Variants in RELN observed in about 807,000 individuals in gnomAD.
RELN encodes the protein reelin.
Under a neutral mutation model 427.6 loss-of-function variants are expected in RELN, and 108 were observed. The ratio of observed to expected loss-of-function variants is 0.25; its 90% CI spans 0.22 to 0.30. The LOEUF is 0.30. RELN is among the 10% of genes least tolerant of loss of function. RELN has a pLI of 1.00. For missense variants in RELN, 3,715 were observed against 4,302.8 expected (o/e 0.86, Z 3.82); for synonymous variants, 1,524 against 1,513.4 (o/e 1.01, Z -0.16).
At chr7:103,759,384 G>A (rs891173991) in intron 4 of RELN, among the ~76,000 whole-genome samples, 2 of 152,086 alleles carry the variant, frequency 1.3e-5, no homozygotes, top group African/African-American at 4.8e-5. Context: ...AGTAAATTCA[G>A]TATCAAAAGT....
At chr7:103,639,112 T>C (rs758287675) in intron 17 of RELN, among the ~76,000 whole-genome samples, 9 of 152,194 alleles carry the variant, frequency 5.9e-5, no homozygotes, top group Admixed American at 1.3e-4. Flanking sequence ...TGGATGCACA[T>C]AACAACTTGA....
intron 20 of RELN, 32 bp downstream of exon 20, chr7:103,629,908 A>G (rs1248574793): frequency 1.5e-6 from 2 of 1,311,782 alleles, no homozygotes; most frequent in Non-Finnish European, 2.2e-6. Context: ...TCCTAGTGCA[A>G]ATTGTAACAA....
intron 46 of RELN, among the ~76,000 whole-genome samples, chr7:103,527,972 G>A (rs1289012337): frequency 1.3e-5 from 2 of 152,154 alleles, no homozygotes; most frequent in Non-Finnish European, 2.9e-5. Context: ...CATTGCTGGT[G>A]GGAATGTAAA....
At chr7:103,531,988 C>G (rs753652993) in intron 46 of RELN, among the ~76,000 whole-genome samples, 1 of 152,076 alleles carries the variant, frequency 6.6e-6, no homozygotes, top group Non-Finnish European at 1.5e-5. Flanking sequence ...TATTGATACA[C>G]ACATATGTTC....
intron 2 of RELN, among the ~76,000 whole-genome samples, chr7:103,858,883 G>GAAC (rs911899286): frequency 2.6e-5 from 4 of 152,176 alleles, no homozygotes; most frequent in South Asian, 2.1e-4. Flanking sequence ...AGCCCTACAG[G>GAAC]AACAACAACA....
intron 28 of RELN, among the ~76,000 whole-genome samples, chr7:103,577,218 T>C (rs1437734509): frequency 6.6e-6 from 1 of 152,190 alleles, no homozygotes; most frequent in South Asian, 2.1e-4. Flanking sequence ...ATTGTGAGGA[T>C]AACATGGCAA....
In RELN at chr7:103,746,530, C is replaced by T. The variant is rs887800400; in HGVS notation, c.656+2896G>A. On this transcript the variant is annotated intron_variant, in intron 6 of 64. Transcript: ENST00000428762. The stretch of plus-strand genomic sequence containing the variant: ...TGCAACCTACTCATCTGACAAAGGG[C>T]TAATATCCAGAAGCTACAATGAACT... Among the ~76,000 whole-genome samples the T allele has an allele frequency of 3.3e-5, 5 of 151,882 alleles. No homozygotes were observed. In the East Asian group the frequency reaches 9.7e-4, roughly 29 times the overall value.
chr7:103,577,511 A>C (rs1191930184), intron 28 of RELN, among the ~76,000 whole-genome samples: 1 of 151,870 alleles, frequency 6.6e-6, no homozygotes, highest in Non-Finnish European at 1.5e-5. Context: ...ATTCTTTTTA[A>C]GGTAAAAAGA....
chr7:103,890,042 T>G (rs1794811180), intron 2 of RELN, among the ~76,000 whole-genome samples: 1 of 152,094 alleles, frequency 6.6e-6, no homozygotes, highest in African/African-American at 2.4e-5. Flanking sequence ...CTCTCTCACG[T>G]TTGACTTCAC....
chr7:103,842,997 C>T lies in RELN; in HGVS notation c.338-9325G>A, dbSNP rs138163858. 1.6e-3 allele frequency among the ~76,000 whole-genome samples: 244 copies of T among 152,224 alleles called. 1 individual carries two copies. The highest frequency in any genetic ancestry group is 5.7e-3 in the African/African-American group (237 of 41,536). ...TTGACAGCATAGAAACCCTGTCTGC[C>T]TATGTTTAGAACCTTGCTCACTGCC... On this transcript the variant is annotated intron_variant, in intron 2 of 64. Transcript: ENST00000428762.
intron 7 of RELN, among the ~76,000 whole-genome samples, chr7:103,726,220 C>A (rs114597340): frequency 6.6e-6 from 1 of 152,002 alleles, no homozygotes; most frequent in Non-Finnish European, 1.5e-5. Flanking sequence ...AACTTGGGTA[C>A]AATGTATATT....
intron 8 of RELN, 37 bp from the exon 9 acceptor site, chr7:103,701,043 A>C: frequency 9.1e-7 from 1 of 1,101,638 alleles, no homozygotes; most frequent in Non-Finnish European, 1.4e-6. Flanking sequence ...CAAGGTTAAA[A>C]AATGGTGCAA....
intron 2 of RELN, among the ~76,000 whole-genome samples, chr7:103,857,196 T>C (rs1793967894): frequency 6.6e-6 from 1 of 152,212 alleles, no homozygotes. Context: ...CTTAGAAACA[T>C]GTCACAAGAG....
intron 4 of RELN, among the ~76,000 whole-genome samples, chr7:103,758,273 T>C (rs956518860): frequency 6.6e-6 from 1 of 152,170 alleles, no homozygotes; most frequent in African/African-American, 2.4e-5. Context: ...CTTAGGTATA[T>C]CATGGTAACT....
At chr7:103,958,142 T>C (rs1447478587) in intron 1 of RELN, among the ~76,000 whole-genome samples, 2 of 152,224 alleles carry the variant, frequency 1.3e-5, no homozygotes, top group Non-Finnish European at 2.9e-5. Flanking sequence ...GCACATGAAG[T>C]ACCCAGAAGT....
chr7:103,475,339 C>G (rs981601858), intron 64 of RELN, among the ~76,000 whole-genome samples: 2 of 152,116 alleles, frequency 1.3e-5, no homozygotes, highest in Admixed American at 1.3e-4. Flanking sequence ...CCAACTCCCC[C>G]CACCCCCGCA....
Position 103,545,461 on chromosome 7 carries a change from T to G in RELN, c.6303-117A>C, listed in dbSNP as rs576179833. ...CTACCTATGCTCAACACCCAAGAAA[T>G]AGAAAACATTTGCCATTTCAGGAAC... is the stretch of plus-strand genomic sequence containing the variant. On this transcript the variant is annotated intron_variant, in intron 41 of 64. Transcript: ENST00000428762. The G allele has an allele frequency of 8.0e-5, 59 of 737,932 alleles. No individual in the cohort carries two copies. The African/African-American group carries it at 9.5e-4, about 12-fold the overall frequency. 45.7% of individuals were successfully genotyped at this position (737,932 alleles called of 1,614,324 possible).
rs988881487 is a variant in RELN at position 103,575,820 on chromosome 7, G to C, written c.4146-115C>G. 6.8e-6 allele frequency: 8 copies of C among 1,172,050 alleles called. No homozygotes were observed. The African/African-American group carries it at 1.1e-4, about 15-fold the overall frequency. 72.6% of individuals were successfully genotyped at this position (1,172,050 alleles called of 1,614,324 possible). On this transcript the variant is annotated intron_variant, in intron 28 of 64. Coordinates refer to ENST00000428762, the MANE Select transcript of RELN (RefSeq NM_005045.4). ...GACTTAATATTTATTTGAAAGTCAT[G>C]TCTGCTTGACTGCACTTAACCTTCA...
chr7:103,490,870 A>T lies in RELN; in HGVS notation c.9444-41T>A, dbSNP rs1365460976. 2.5e-6 allele frequency: 4 copies of T among 1,606,068 alleles called. No individual in the cohort carries two copies. In the East Asian group the frequency reaches 8.9e-5, roughly 36 times the overall value. ...GGCTTTGTTAGACAAATTGTAAGAG[A>T]AACATATAATCTGTTAATGTCAAGG... On this transcript the variant is annotated intron_variant, in intron 58 of 64. Coordinates refer to ENST00000428762, the MANE Select transcript of RELN (RefSeq NM_005045.4).
Sources: gnomAD v4.1 joint callset for allele counts (sites outside exome capture counted in the v4.1 genomes callset) on GRCh38, gnomAD v4.1.1 for gene constraint, MANE v1.5 for transcripts, NCBI Gene and HGNC (gene_info 2026-07-23, HGNC 2026-07-21) for gene names.